The following SLC25A20 variants were observed in gnomAD, a reference collection of about 807,000 sequenced individuals.
SLC25A20 encodes the protein solute carrier family 25 member 20.
A neutral mutation model predicts 39.7 loss-of-function variants in SLC25A20; 29 were observed. The ratio of observed to expected loss-of-function variants is 0.73; its 90% CI spans 0.54 to 1.00. The LOEUF is 1.00. Among genes scored for constraint, SLC25A20 ranks in the 50% least tolerant of loss-of-function variants. The pLI is 0.00. For missense variants in SLC25A20, 333 were observed against 379.9 expected (o/e 0.88, Z 1.03); for synonymous variants, 103 against 142.2 (o/e 0.72, Z 1.96).
chr3:48,877,888 C>A (rs67060340), intron 4 of SLC25A20, among the ~76,000 whole-genome samples: 82 of 152,062 alleles, frequency 5.4e-4, no homozygotes, highest in Non-Finnish European at 1.0e-3. Flanking sequence ...CCCAGGCTGA[C>A]GCGTTACACT....
At position 48,859,164 on chromosome 3, in the gene SLC25A20, C is replaced by A. The variant is rs773951610; in HGVS notation, c.646G>T (p.Gly216Trp). The part of the protein sequence containing the change: ...ELSAPRILVA[G>W]GIAGIFNWAV... ...CAGTTGAAGATCCCTGCAATGCCCCCAGCCACCAAGATCCGAGGGGCACTG... is the reference window on the plus strand; with the variant it reads ...CAGTTGAAGATCCCTGCAATGCCCCAAGCCACCAAGATCCGAGGGGCACTG... Residue 216 changes from glycine (G) to tryptophan (W), a missense_variant, in exon 7 of 9, where the codon GGG (glycine) becomes TGG (tryptophan). By Grantham distance (184) the Gly-to-Trp change is radical (BLOSUM62 -2). Coordinates refer to ENST00000319017, the MANE Select transcript of SLC25A20 (RefSeq NM_000387.6). 1.7e-5 allele frequency: 28 copies of A among 1,613,968 alleles called. No individual in the cohort carries two copies. The highest frequency in any genetic ancestry group is 2.4e-5 in the Non-Finnish European group (28 of 1,180,014).
intron 4 of SLC25A20, among the ~76,000 whole-genome samples, chr3:48,863,635 G>C (rs2083643127): frequency 6.6e-6 from 1 of 152,208 alleles, no homozygotes; most frequent in Non-Finnish European, 1.5e-5. Flanking sequence ...GCTGGAAAGG[G>C]AGTTCAGCTT....
At chr3:48,869,553 A>C (rs920599014) in intron 4 of SLC25A20, among the ~76,000 whole-genome samples, 1 of 152,126 alleles carries the variant, frequency 6.6e-6, no homozygotes, top group Non-Finnish European at 1.5e-5. Context: ...GGCCAGGTAC[A>C]GTGGCTCATG....
chr3:48,861,552 C>G (rs987257215), intron 5 of SLC25A20, among the ~76,000 whole-genome samples: 1 of 151,924 alleles, frequency 6.6e-6, no homozygotes, highest in Non-Finnish European at 1.5e-5. Context: ...CATAGTGAAA[C>G]CCTATCTCTG....
intron 2 of SLC25A20, 62 bp downstream of exon 2, chr3:48,891,918 G>A: frequency 7.6e-7 from 1 of 1,317,968 alleles, no homozygotes; most frequent in South Asian, 1.2e-5. Context: ...CTCCTTGGGG[G>A]TAACAAATCA....
chr3:48,893,486 T>C (rs2083891827), intron 1 of SLC25A20, among the ~76,000 whole-genome samples: 1 of 151,780 alleles, frequency 6.6e-6, no homozygotes. Flanking sequence ...CAGAAAACTG[T>C]GATGGTGCCA....
In SLC25A20 at chr3:48,865,954, C is replaced by A. The variant is rs1172862440; in HGVS notation, c.418-3295G>T. Reference sequence around the variant, plus strand: ...GACCATCCTGGCCAACATGGTGAAACCCCGTCTCTACTAAAAATACAAAAA... The same window carrying A: ...GACCATCCTGGCCAACATGGTGAAAACCCGTCTCTACTAAAAATACAAAAA... On this transcript the variant is annotated intron_variant, in intron 4 of 8. Coordinates refer to ENST00000319017, the MANE Select transcript of SLC25A20 (RefSeq NM_000387.6). Among the ~76,000 whole-genome samples the A allele has an allele frequency of 4.0e-5, 6 of 150,598 alleles. No individual in the cohort carries two copies. The South Asian group carries it at 6.3e-4, about 16-fold the overall frequency.
At chr3:48,898,651 G>C in intron 1 of SLC25A20, 39 bp downstream of exon 1, 1 of 1,546,440 alleles carries the variant, frequency 6.5e-7, no homozygotes. Flanking sequence ...CGCCCCGCCC[G>C]GGCCTCCTCC....
chr3:48,895,517 C>G (rs939721116), intron 1 of SLC25A20, among the ~76,000 whole-genome samples: 1 of 152,246 alleles, frequency 6.6e-6, no homozygotes, highest in African/African-American at 2.4e-5. Flanking sequence ...CTTTCCAAAA[C>G]ATCATTTTTA....
intron 4 of SLC25A20, among the ~76,000 whole-genome samples, chr3:48,863,886 A>T (rs1213492526): frequency 6.6e-6 from 1 of 151,866 alleles, no homozygotes; most frequent in African/African-American, 2.4e-5. Flanking sequence ...GTGGTGGTAC[A>T]TGCCTGTAAT....
intron 4 of SLC25A20, among the ~76,000 whole-genome samples, chr3:48,867,427 G>C (rs28561609): frequency 2.9e-5 from 1 of 34,384 alleles, no homozygotes. Flanking sequence ...TTTTTTTTTT[G>C]TATTTTTAGT....
chr3:48,864,073 C>T (rs1168885254), intron 4 of SLC25A20, among the ~76,000 whole-genome samples: 3 of 151,492 alleles, frequency 2.0e-5, no homozygotes, highest in Non-Finnish European at 2.9e-5. Context: ...AAGCCGGGCA[C>T]GGTGGCTCAC....
At chr3:48,897,209 A>T (rs1023774227) in intron 1 of SLC25A20, among the ~76,000 whole-genome samples, 2 of 150,942 alleles carry the variant, frequency 1.3e-5, no homozygotes, top group Non-Finnish European at 2.9e-5. Context: ...AGCTAAAAAG[A>T]GGCTTTCTGG....
intron 2 of SLC25A20, among the ~76,000 whole-genome samples, chr3:48,886,925 C>G (rs2083833860): frequency 1.3e-5 from 2 of 152,204 alleles, no homozygotes; most frequent in Non-Finnish European, 2.9e-5. Flanking sequence ...CAGACCCAGG[C>G]TGAAGAACCT....
chr3:48,894,778 A>G (rs972289530), intron 1 of SLC25A20, among the ~76,000 whole-genome samples: 3 of 152,104 alleles, frequency 2.0e-5, no homozygotes, highest in African/African-American at 7.2e-5. Context: ...TAGATAACTG[A>G]TATATCCAGT....
chr3:48,866,847 G>A (rs1384082170), intron 4 of SLC25A20, among the ~76,000 whole-genome samples: 2 of 151,956 alleles, frequency 1.3e-5, no homozygotes, highest in African/African-American at 2.4e-5. Flanking sequence ...AGACTGGAGT[G>A]CAATGGCGCG....
At chr3:48,871,982 ATTTTT>A (rs71077746) in intron 4 of SLC25A20, among the ~76,000 whole-genome samples, 6 of 56,720 alleles carry the variant, frequency 1.1e-4, no homozygotes, top group South Asian at 1.1e-3. Flanking sequence ...TGCCCAGCTA[ATTTTT>A]TTTTTTTTTT....
chr3:48,890,740 C>T (rs1371053057), intron 2 of SLC25A20, among the ~76,000 whole-genome samples: 4 of 149,396 alleles, frequency 2.7e-5, no homozygotes, highest in African/African-American at 7.4e-5. Flanking sequence ...CTGCAAGCTC[C>T]GCCTCCTGGG....
At chr3:48,873,968 CAAAAAAAAAAAAA>C (rs11316117) in intron 4 of SLC25A20, among the ~76,000 whole-genome samples, 1,059 of 41,220 alleles carry the variant, frequency 0.026, 22 homozygotes, top group African/African-American at 0.089. Flanking sequence ...GACTCCATCT[CAAAAAAAAAAAAA>C]AAAAAAAAAA....
Sources: allele counts gnomAD v4.1 joint callset (sites outside exome capture counted in the v4.1 genomes callset), GRCh38; gene constraint gnomAD v4.1.1; transcripts MANE v1.5; gene names NCBI Gene and HGNC (gene_info 2026-07-23, HGNC 2026-07-21).